The following VPS37C variants were observed in gnomAD, a reference collection of about 807,000 sequenced individuals.
The protein encoded by VPS37C is vacuolar protein sorting-associated protein 37C.
A neutral mutation model predicts 16.1 loss-of-function variants in VPS37C; 9 were observed. That is an observed-to-expected ratio of 0.56 (90% CI 0.34 to 0.97). VPS37C has a LOEUF of 0.97. Among genes scored for constraint, VPS37C ranks in the 50% least tolerant of loss-of-function variants. The probability of loss-of-function intolerance (pLI) is 0.02; values close to 1 mark genes in which losing one functional copy is unlikely to be tolerated. For missense variants in VPS37C, 479 were observed against 472.7 expected (o/e 1.01, Z -0.12); for synonymous variants, 207 against 206.4 (o/e 1.00, Z -0.02).
intron 1 of VPS37C, among the ~76,000 whole-genome samples, chr11:61,146,396 TACTC>T (rs1318349550): frequency 1.3e-5 from 2 of 152,160 alleles, no homozygotes; most frequent in Admixed American, 6.5e-5. Flanking sequence ...AAGTCAAAAA[TACTC>T]ACAATAATTC....
chr11:61,135,851 G>T (rs1257085099), intron 2 of VPS37C, among the ~76,000 whole-genome samples: 1 of 152,192 alleles, frequency 6.6e-6, no homozygotes, highest in Admixed American at 6.5e-5. Context: ...TAGGTCCACT[G>T]CCTTTTCCCT....
intron 1 of VPS37C, among the ~76,000 whole-genome samples, chr11:61,139,728 G>A (rs750124024): frequency 6.8e-6 from 1 of 147,782 alleles, no homozygotes; most frequent in African/African-American, 2.5e-5. Flanking sequence ...TCTTCCAGAG[G>A]TGCATTCCAT....
chr11:61,149,500 G>C (rs748697462), intron 1 of VPS37C, among the ~76,000 whole-genome samples: 1 of 152,134 alleles, frequency 6.6e-6, no homozygotes, highest in Non-Finnish European at 1.5e-5. Context: ...CAAGCAGCAG[G>C]TCTGGCACCA....
rs1033043903 is a variant in VPS37C at position 61,131,471 on chromosome 11, A to G, written c.*349T>C. 2.2e-5 allele frequency: 5 copies of G among 222,750 alleles called. No homozygotes were observed. The Admixed American group carries it at 2.3e-4, about 10-fold the overall frequency. 13.8% of individuals were successfully genotyped at this position (222,750 alleles called of 1,614,324 possible). On this transcript the variant is annotated 3_prime_UTR_variant, in exon 5 of 5. Coordinates refer to ENST00000301765, the MANE Select transcript of VPS37C (RefSeq NM_017966.5). The stretch of plus-strand genomic sequence containing the variant: ...GGCCTCCTCATAGAGATAACTCTGC[A>G]CTGGGTTCAAATGGCCCTGAGTGCA...
At chr11:61,134,352 C>A (rs1227257755) in intron 2 of VPS37C, 145 bp from the exon 3 acceptor site, 13 of 834,044 alleles carry the variant, frequency 1.6e-5, no homozygotes, top group Non-Finnish European at 2.4e-5. Flanking sequence ...CTCAACTAGT[C>A]AGACAAAGCC....
chr11:61,139,741 C>CT (rs545629004), intron 1 of VPS37C, among the ~76,000 whole-genome samples: 10,009 of 77,670 alleles, frequency 0.13, 525 homozygotes, highest in Non-Finnish European at 0.15. Flanking sequence ...CATTCCATAG[C>CT]TTTTTTTTTT....
chr11:61,153,233 T>C (rs1351658983), intron 1 of VPS37C, among the ~76,000 whole-genome samples: 5 of 152,214 alleles, frequency 3.3e-5, no homozygotes, highest in African/African-American at 1.2e-4. Context: ...GCTGTTCTCG[T>C]GACAGTGAAT....
At chr11:61,156,920 C>G (rs1226814158) in intron 1 of VPS37C, among the ~76,000 whole-genome samples, 1 of 152,196 alleles carries the variant, frequency 6.6e-6, no homozygotes, top group Non-Finnish European at 1.5e-5. Context: ...TTCTGGCAAC[C>G]ACCATTCCAC....
rs970879893 is a variant in VPS37C, at chr11:61,161,379, G to C, written c.-7+12C>G. 2 of 153,146 alleles carry C rather than the reference G, an allele frequency of 1.3e-5. No homozygotes were observed. The highest frequency in any genetic ancestry group is 2.9e-5 in the Non-Finnish European group (2 of 68,858). 9.5% of individuals were successfully genotyped at this position (153,146 alleles called of 1,614,324 possible). ...TGCGGCAGAGCCGGGACCCTCCCCA[G>C]TCTCCGCTCACCTGCCAGGGCCGCC... On this transcript the variant is annotated intron_variant, in intron 1 of 4. Transcript: ENST00000301765.
intron 2 of VPS37C, 102 bp from the exon 3 acceptor site, chr11:61,134,309 C>A: frequency 7.5e-7 from 1 of 1,329,402 alleles, no homozygotes; most frequent in Non-Finnish European, 1.0e-6. Context: ...CACCTTGGGG[C>A]GGAGAGGCTC....
At chr11:61,139,299 C>T (rs1861432954) in intron 1 of VPS37C, among the ~76,000 whole-genome samples, 1 of 152,186 alleles carries the variant, frequency 6.6e-6, no homozygotes, top group South Asian at 2.1e-4. Flanking sequence ...GCTTTGCTGG[C>T]TTCGACATCA....
intron 1 of VPS37C, among the ~76,000 whole-genome samples, chr11:61,140,307 G>C (rs1325076529): frequency 6.6e-6 from 1 of 152,278 alleles, no homozygotes; most frequent in East Asian, 1.9e-4. Context: ...CATCAGAAAG[G>C]TAAGAGGAGG....
intron 4 of VPS37C, chr11:61,132,781 C>A (rs1035975175): frequency 4.5e-5 from 28 of 615,528 alleles, no homozygotes; most frequent in Non-Finnish European, 6.7e-5. Flanking sequence ...TGTCCTGGCA[C>A]CTTGGCATCA....
At chr11:61,134,316 G>C in intron 2 of VPS37C, 109 bp from the exon 3 acceptor site, 1 of 1,269,474 alleles carries the variant, frequency 7.9e-7, no homozygotes, top group Non-Finnish European at 1.1e-6. Context: ...GGGCGGAGAG[G>C]CTCATCCTTG....
intron 1 of VPS37C, among the ~76,000 whole-genome samples, chr11:61,147,531 G>A (rs1445515660): frequency 6.6e-6 from 1 of 152,110 alleles, no homozygotes; most frequent in African/African-American, 2.4e-5. Context: ...AGCAGACCGG[G>A]GTGGAAGGGG....
chr11:61,155,038 A>T (rs1033499993), intron 1 of VPS37C, among the ~76,000 whole-genome samples: 1 of 150,968 alleles, frequency 6.6e-6, no homozygotes, highest in African/African-American at 2.4e-5. Flanking sequence ...CAGAAGTTTG[A>T]AGCTGCAGTG....
intron 2 of VPS37C, among the ~76,000 whole-genome samples, chr11:61,135,439 G>A (rs751987963): frequency 6.6e-6 from 1 of 152,214 alleles, no homozygotes; most frequent in Non-Finnish European, 1.5e-5. Flanking sequence ...TAGAGCCCAC[G>A]CTGCTGCCTT....
chr11:61,147,753 T>G (rs1853236470), intron 1 of VPS37C, among the ~76,000 whole-genome samples: 1 of 150,690 alleles, frequency 6.6e-6, no homozygotes, highest in Non-Finnish European at 1.5e-5. Flanking sequence ...GTGAGGGCAC[T>G]GAGATGAGAG....
At chr11:61,158,043 C>CT (rs1853405683) in intron 1 of VPS37C, among the ~76,000 whole-genome samples, 1 of 152,236 alleles carries the variant, frequency 6.6e-6, no homozygotes, top group South Asian at 2.1e-4. Context: ...TACTATGCTT[C>CT]TTGTACAGCC....
Sources: gnomAD v4.1 joint callset for allele counts (sites outside exome capture counted in the v4.1 genomes callset) on GRCh38, gnomAD v4.1.1 for gene constraint, MANE v1.5 for transcripts, NCBI Gene and HGNC (gene_info 2026-07-23, HGNC 2026-07-21) for gene names.